The following TENM3 variants were observed in gnomAD, a reference collection of about 807,000 sequenced individuals.
TENM3 encodes the protein teneurin transmembrane protein 3.
A neutral mutation model predicts 255.1 loss-of-function variants in TENM3; 63 were observed. The ratio of observed to expected loss-of-function variants is 0.25; its 90% confidence interval spans 0.20 to 0.30. TENM3 has a LOEUF of 0.30. TENM3 is among the 10% of genes least tolerant of loss of function. TENM3 has a pLI of 1.00. For synonymous variants in TENM3, 1,306 were observed against 1,322.3 expected, an observed-to-expected ratio of 0.99 and a Z score of 0.27; for missense variants, 2,929 against 3,461.1, an observed-to-expected ratio of 0.85 and a Z score of 3.86.
At chr4:181,804,191 G>T in the TENM3 span, among the ~76,000 whole-genome samples, 4 of 84,832 alleles carry the variant, frequency 4.7e-5, no homozygotes, top group South Asian at 2.0e-3. Flanking sequence ...AGGGAGGGAG[G>T]GAAATAAAAG....
chr4:181,531,061 A>G, the TENM3 span, among the ~76,000 whole-genome samples: 2 of 152,164 alleles, frequency 1.3e-5, no homozygotes, highest in Non-Finnish European at 2.9e-5. Context: ...AATGACTATT[A>G]GCATCAATTT....
At chr4:181,736,007 A>T in the TENM3 span, among the ~76,000 whole-genome samples, 2 of 152,296 alleles carry the variant, frequency 1.3e-5, no homozygotes, top group African/African-American at 4.8e-5. Context: ...TATTCTAATA[A>T]GAAATTTTGG....
the TENM3 span, among the ~76,000 whole-genome samples, chr4:181,821,360 G>A: frequency 8.5e-5 from 13 of 152,198 alleles, no homozygotes; most frequent in Middle Eastern, 3.4e-3. Context: ...ATCCCCTTTG[G>A]TGTTTTGTCA....
intron 3 of TENM3, among the ~76,000 whole-genome samples, chr4:182,432,251 A>C (rs1432655417): frequency 6.6e-6 from 1 of 152,204 alleles, no homozygotes; most frequent in Non-Finnish European, 1.5e-5. Flanking sequence ...GTAAAAAGGC[A>C]TTTAAGGTAG....
At chr4:181,963,202 G>A in the TENM3 span, among the ~76,000 whole-genome samples, 14 of 152,260 alleles carry the variant, frequency 9.2e-5, no homozygotes, top group African/African-American at 2.4e-4. Flanking sequence ...TGGGGAGCCC[G>A]ATCCGTCAGT....
At chr4:182,748,727 G>T (rs969458704) in intron 19 of TENM3, among the ~76,000 whole-genome samples, 1 of 152,166 alleles carries the variant, frequency 6.6e-6, no homozygotes, top group African/African-American at 2.4e-5. Context: ...TGCGCTGCTG[G>T]GAATTTGTCA....
intron 11 of TENM3, among the ~76,000 whole-genome samples, chr4:182,682,381 A>T (rs1323362889): frequency 6.6e-6 from 1 of 152,122 alleles, no homozygotes; most frequent in East Asian, 1.9e-4. Flanking sequence ...GGCTCAATTT[A>T]AAAAAATCAT....
intron 1 of TENM3, among the ~76,000 whole-genome samples, chr4:182,205,938 A>G (rs1754536930): frequency 1.3e-5 from 2 of 152,148 alleles, no homozygotes; most frequent in Non-Finnish European, 1.5e-5. Context: ...CATCCGGAAC[A>G]TGGACTGCCT....
At chr4:181,734,308 T>G in the TENM3 span, among the ~76,000 whole-genome samples, 2 of 151,994 alleles carry the variant, frequency 1.3e-5, no homozygotes, top group African/African-American at 2.4e-5. Flanking sequence ...TCTGTTTTGC[T>G]CATTTTTTTT....
chr4:181,687,108 A>C, the TENM3 span, among the ~76,000 whole-genome samples: 2 of 152,224 alleles, frequency 1.3e-5, no homozygotes. Flanking sequence ...TTGATGCCAA[A>C]TTAGTAATTT....
intron 3 of TENM3, among the ~76,000 whole-genome samples, chr4:182,389,383 GAAA>G (rs5864782): frequency 3.0e-3 from 423 of 142,082 alleles, no homozygotes; most frequent in Non-Finnish European, 4.3e-3. Flanking sequence ...TTGGTAGATG[GAAA>G]AAAAAAAAAA....
chr4:181,578,741 G>T, the TENM3 span, among the ~76,000 whole-genome samples: 1 of 152,136 alleles, frequency 6.6e-6, no homozygotes, highest in Non-Finnish European at 1.5e-5. Flanking sequence ...GCATCCTCCT[G>T]TGGTCATCTC....
At chr4:181,963,442 G>C in the TENM3 span, among the ~76,000 whole-genome samples, 4 of 152,120 alleles carry the variant, frequency 2.6e-5, no homozygotes, top group African/African-American at 9.7e-5. Context: ...AGCTGGATTT[G>C]CCCAAAAGAA....
At chr4:182,598,322 A>G (rs1747480827) in intron 3 of TENM3, among the ~76,000 whole-genome samples, 1 of 152,068 alleles carries the variant, frequency 6.6e-6, no homozygotes, top group African/African-American at 2.4e-5. Context: ...AGGCCTCCTG[A>G]TTGTGTTGTC....
chr4:182,348,869 A>G (rs1765000327), intron 3 of TENM3, among the ~76,000 whole-genome samples: 1 of 152,186 alleles, frequency 6.6e-6, no homozygotes, highest in South Asian at 2.1e-4. Context: ...AAGGGAAGGA[A>G]GACTTGTGAG....
At chr4:181,655,671 G>A in the TENM3 span, among the ~76,000 whole-genome samples, 10 of 152,132 alleles carry the variant, frequency 6.6e-5, no homozygotes, top group Non-Finnish European at 1.3e-4. Flanking sequence ...TCCCAGGGGC[G>A]GTGTTATCCC....
chr4:182,051,844 G>T, the TENM3 span, among the ~76,000 whole-genome samples: 2 of 152,096 alleles, frequency 1.3e-5, no homozygotes, highest in Admixed American at 6.5e-5. Context: ...TAAGATCATT[G>T]CAATAATTGA....
At chr4:182,364,711 G>A (rs1418866157) in intron 3 of TENM3, among the ~76,000 whole-genome samples, 1 of 152,148 alleles carries the variant, frequency 6.6e-6, no homozygotes, top group African/African-American at 2.4e-5. Flanking sequence ...GAGCCACCGC[G>A]CCCAGCCCCA....
At chr4:182,463,462 T>C (rs147436342) in intron 3 of TENM3, among the ~76,000 whole-genome samples, 3 of 152,064 alleles carry the variant, frequency 2.0e-5, no homozygotes, top group Non-Finnish European at 4.4e-5. Context: ...CTTTAGACCA[T>C]GTAGTATCAC....
Sources: gnomAD v4.1 joint callset for allele counts (sites outside exome capture counted in the v4.1 genomes callset) on GRCh38, gnomAD v4.1.1 for gene constraint, MANE v1.5 for transcripts, NCBI Gene and HGNC (gene_info 2026-07-23, HGNC 2026-07-21) for gene names.